The following FAF1 variants were observed in gnomAD, a reference collection of about 807,000 sequenced individuals.
FAF1 encodes the protein FAS-associated factor 1.
FAF1 carries 25 observed loss-of-function variants against 92.5 expected under a neutral mutation model. The observed-to-expected ratio is 0.27, with a 90% CI of 0.20 to 0.38. FAF1 has a LOEUF of 0.38. Ranked by LOEUF, FAF1 falls within the 10% of genes least tolerant of loss-of-function variation. FAF1 has a pLI of 1.00. For synonymous variants in FAF1, 234 were observed against 273.2 expected, an observed-to-expected ratio of 0.86 and a Z score of 1.42; for missense variants, 636 against 793.3, an observed-to-expected ratio of 0.80 and a Z score of 2.38.
chr1:50,740,890 T>C (rs977503912), intron 5 of FAF1, among the ~76,000 whole-genome samples: 3 of 152,142 alleles, frequency 2.0e-5, no homozygotes, highest in African/African-American at 4.8e-5. Context: ...TTGTTTTACT[T>C]TGTGAATTAT....
chr1:50,700,015 G>A (rs1387603208), intron 7 of FAF1, among the ~76,000 whole-genome samples: 2 of 152,002 alleles, frequency 1.3e-5, no homozygotes, highest in African/African-American at 4.8e-5. Flanking sequence ...TATTCATGGT[G>A]CTTAAATAGC....
At chr1:50,926,721 C>T (rs1207741144) in intron 1 of FAF1, among the ~76,000 whole-genome samples, 1 of 151,924 alleles carries the variant, frequency 6.6e-6, no homozygotes, top group Non-Finnish European at 1.5e-5. Flanking sequence ...ACTAAAAATA[C>T]AAGGGAAAAA....
chr1:50,824,786 G>C (rs539664299), intron 2 of FAF1, among the ~76,000 whole-genome samples: 1 of 152,244 alleles, frequency 6.6e-6, no homozygotes, highest in South Asian at 2.1e-4. Flanking sequence ...ATGAAATCAT[G>C]TCATTTGAAG....
chr1:50,917,160 C>A (rs753990318), intron 1 of FAF1, among the ~76,000 whole-genome samples: 1 of 152,164 alleles, frequency 6.6e-6, no homozygotes, highest in Admixed American at 6.5e-5. Context: ...TCAATGCATT[C>A]AAAAGGTTTT....
At chr1:50,602,790 C>A (rs1572862519) in intron 8 of FAF1, among the ~76,000 whole-genome samples, 1 of 152,226 alleles carries the variant, frequency 6.6e-6, no homozygotes, top group East Asian at 1.9e-4. Context: ...ATAGGAGCCA[C>A]CTCACCCAGC....
chr1:50,925,691 T>C (rs947486724), intron 1 of FAF1, among the ~76,000 whole-genome samples: 1 of 152,126 alleles, frequency 6.6e-6, no homozygotes. Context: ...TGTTGCACTT[T>C]CTCAAAAAAC....
chr1:50,756,344 C>T (rs895889354), intron 4 of FAF1, among the ~76,000 whole-genome samples: 4 of 146,630 alleles, frequency 2.7e-5, no homozygotes, highest in Admixed American at 2.0e-4. Context: ...CAACAAGAGT[C>T]ACCTCTGCTC....
chr1:50,615,234 G>C (rs1652857950), intron 8 of FAF1, among the ~76,000 whole-genome samples: 1 of 152,206 alleles, frequency 6.6e-6, no homozygotes, highest in Admixed American at 6.5e-5. Context: ...TTTCCAGGCA[G>C]CATAGTATTC....
intron 1 of FAF1, among the ~76,000 whole-genome samples, chr1:50,905,639 TGAG>T (rs1221807160): frequency 6.6e-6 from 1 of 152,232 alleles, no homozygotes; most frequent in Non-Finnish European, 1.5e-5. Flanking sequence ...CCAGTGATGA[TGAG>T]CATTTTTTCA....
intron 17 of FAF1, among the ~76,000 whole-genome samples, chr1:50,486,506 G>A (rs115347886): frequency 0.017 from 2,601 of 151,994 alleles, 74 homozygotes; most frequent in African/African-American, 0.06. Context: ...AACCATCAAA[G>A]TCTGTGAAGT....
At chr1:50,482,165 C>T (rs1646711960) in intron 17 of FAF1, among the ~76,000 whole-genome samples, 1 of 152,146 alleles carries the variant, frequency 6.6e-6, no homozygotes, top group Non-Finnish European at 1.5e-5. Context: ...CTCCTAACCT[C>T]TAATCTTTAT....
intron 8 of FAF1, among the ~76,000 whole-genome samples, chr1:50,623,365 C>G (rs144325946): frequency 8.2e-4 from 125 of 151,942 alleles, no homozygotes; most frequent in African/African-American, 2.9e-3. Flanking sequence ...CTCATGAGTT[C>G]GAAACCAGCC....
intron 1 of FAF1, among the ~76,000 whole-genome samples, chr1:50,861,195 C>T (rs1266060238): frequency 6.6e-6 from 1 of 151,828 alleles, no homozygotes; most frequent in Non-Finnish European, 1.5e-5. Context: ...TCTATCTGTA[C>T]TCCCTGAATC....
intron 7 of FAF1, among the ~76,000 whole-genome samples, chr1:50,661,619 C>T (rs1170624532): frequency 6.6e-6 from 1 of 152,050 alleles, no homozygotes; most frequent in Admixed American, 6.6e-5. Context: ...ACTTAAGCTC[C>T]CAGTGCATCG....
chr1:50,537,811 A>C (rs969901858), intron 14 of FAF1, among the ~76,000 whole-genome samples: 5 of 152,158 alleles, frequency 3.3e-5, no homozygotes, highest in Admixed American at 2.0e-4. Context: ...ATTTACGAAG[A>C]AAATCTGGTC....
chr1:50,615,030 C>A (rs1198088626), intron 8 of FAF1, among the ~76,000 whole-genome samples: 1 of 152,006 alleles, frequency 6.6e-6, no homozygotes. Context: ...GTTTTACAAC[C>A]CACACCCTCC....
intron 7 of FAF1, among the ~76,000 whole-genome samples, chr1:50,679,998 A>G (rs1038905640): frequency 6.6e-6 from 1 of 152,214 alleles, no homozygotes; most frequent in Non-Finnish European, 1.5e-5. Flanking sequence ...AAAATAGAAA[A>G]ATCACTTTCA....
intron 6 of FAF1, among the ~76,000 whole-genome samples, chr1:50,709,323 G>C (rs1657819124): frequency 6.6e-6 from 1 of 151,944 alleles, no homozygotes. Flanking sequence ...TGTACAGTTT[G>C]CTTTGTTTCA....
intron 2 of FAF1, 48 bp downstream of exon 2, chr1:50,857,881 G>A (rs536640549): frequency 1.7e-6 from 2 of 1,168,304 alleles, no homozygotes; most frequent in South Asian, 1.3e-5. Context: ...AGACATTCAA[G>A]AATTCATAAA....
Sources: allele counts gnomAD v4.1 joint callset (sites outside exome capture counted in the v4.1 genomes callset), GRCh38; gene constraint gnomAD v4.1.1; transcripts MANE v1.5; gene names NCBI Gene and HGNC (gene_info 2026-07-23, HGNC 2026-07-21).